Variants in GOLGA3 observed in about 807,000 individuals in gnomAD.
GOLGA3 encodes golgin subfamily A member 3.
GOLGA3 carries 75 observed loss-of-function variants against 169.4 expected under a neutral mutation model. That is an observed-to-expected ratio of 0.44 (90% CI 0.37 to 0.54). The LOEUF is 0.54. GOLGA3 is among the 20% of genes least tolerant of loss of function. The pLI is 0.00. For synonymous variants in GOLGA3, 824 were observed against 822.4 expected (o/e 1.00, Z -0.03); for missense variants, 1,899 against 1,930.0 (o/e 0.98, Z 0.30).
rs971440260 is a variant in GOLGA3 at position 132,802,262 on chromosome 12, G to A, written c.1598-293C>T. Among the ~76,000 whole-genome samples the A allele has an allele frequency of 5.3e-5, 8 of 152,332 alleles. 1 individual carries two copies. The South Asian group carries it at 8.3e-4, about 16-fold the overall frequency. On this transcript the variant is annotated intron_variant, in intron 7 of 23. Transcript: ENST00000450791. ...GTTCAGTGTTTCCATTTACGACACC[G>A]ATCTAATACATAGCGTCGATTCATT... is the stretch of plus-strand genomic sequence containing the variant.
chr12:132,778,349 T>C (rs894547254), intron 18 of GOLGA3, among the ~76,000 whole-genome samples: 2 of 151,082 alleles, frequency 1.3e-5, no homozygotes, highest in African/African-American at 4.9e-5. Context: ...CCGAGGCGGG[T>C]GGATCACGAG....
Position 132,807,301 on chromosome 12 carries a change from G to A in GOLGA3, c.1179-13C>T, listed in dbSNP as rs1356520913. On this transcript the variant is annotated splice_polypyrimidine_tract_variant and intron_variant, in intron 5 of 23. Transcript: ENST00000450791. ...CTCCAAGGACACGCTGGGGACAAAG[G>A]CACGGGTCAGGCCTGTGCGAGCCAT... 2.0e-6 allele frequency: 3 copies of A among 1,474,694 alleles called. No homozygotes were observed. Among genetic ancestry groups the A allele is most frequent in the South Asian group, 2.4e-5 (2 of 82,480 alleles). 91.4% of individuals were successfully genotyped at this position (1,474,694 alleles called of 1,614,324 possible).
chr12:132,780,933 GGACA>G lies in GOLGA3; in HGVS notation c.3466-23_3466-20del. ...CCTGCACCTAGATCAGATTGCAGGA[GGACA>G]GATAAGGAAGGACGTCGAATTACAA... is the stretch of plus-strand genomic sequence containing the variant. On this transcript the variant is annotated intron_variant, in intron 17 of 23. Coordinates refer to ENST00000450791, the MANE Select transcript of GOLGA3 (RefSeq NM_001389683.1). 1.9e-6 allele frequency: 3 copies of G among 1,557,556 alleles called. No individual in the cohort carries two copies. The highest frequency in any genetic ancestry group is 2.6e-6 in the Non-Finnish European group (3 of 1,133,740).
At chr12:132,783,292 G>A (rs1381133209) in intron 16 of GOLGA3, among the ~76,000 whole-genome samples, 3 of 149,340 alleles carry the variant, frequency 2.0e-5, no homozygotes, top group Non-Finnish European at 3.0e-5. Context: ...GTCATGGTCA[G>A]TTGCTTCCCC....
At chr12:132,817,578 G>C (rs879121100) in intron 2 of GOLGA3, among the ~76,000 whole-genome samples, 2 of 2,396 alleles carry the variant, frequency 8.3e-4, no homozygotes, top group Non-Finnish European at 2.1e-3. Flanking sequence ...ACGTGAACCC[G>C]CCCTCCACTC....
rs138564801 is a variant in GOLGA3, at chr12:132,796,002, G to C, written c.2319C>G (p.Asn773Lys). 26 of 1,613,272 alleles carry C rather than the reference G, an allele frequency of 1.6e-5. No homozygotes were observed. The highest frequency in any genetic ancestry group is 2.1e-5 in the Non-Finnish European group (25 of 1,180,044). ...AAGCCGCCTCCAAGATGATCTTCTC[G>C]TTCTGCAGGAGGCAGATCGTGTCCT... ...SREDTICLLQ[N>K]EKIILEAALQ... The change falls in exon 11 of 24, where the codon AAC becomes AAG. Residue 773 changes from asparagine to lysine, a missense_variant. Physicochemically the swap from Asn to Lys is moderately conservative, Grantham distance 94. Transcript: ENST00000450791.
At chr12:132,774,401 G>A in intron 22 of GOLGA3, 81 bp from the exon 23 acceptor site, 1 of 1,520,280 alleles carries the variant, frequency 6.6e-7, no homozygotes, top group Admixed American at 1.7e-5. Context: ...GTGGCAAACG[G>A]GCCTCCCCAA....
At chr12:132,798,533 G>A (rs1948981914) in intron 8 of GOLGA3, 56 bp from the exon 9 acceptor site, 4 of 1,537,186 alleles carry the variant, frequency 2.6e-6, no homozygotes, top group Non-Finnish European at 3.5e-6. Flanking sequence ...AAGAAATGCA[G>A]ACCAGCCTGT....
At position 132,777,691 on chromosome 12, in the gene GOLGA3, G is replaced by C; in HGVS notation, c.3697C>G (p.Leu1233Val). 6.2e-7 allele frequency: 1 copy of C among 1,614,146 alleles called. No individual in the cohort carries two copies. Among genetic ancestry groups the C allele is most frequent in the Non-Finnish European group, 8.5e-7 (1 of 1,180,028 alleles). ...TGAAGGTCGTCGGCCTCGGCCTGCA[G>C]CTTCTGCACCAGGTGTTCCTTGGCC... Reference protein sequence around the residue: ...LQAKEHLVQKLQAEADDLQIR... With the variant: ...LQAKEHLVQKVQAEADDLQIR... The change falls in exon 19 of 24, where the codon CTG becomes GTG. Residue 1233 changes from leucine to valine, a missense_variant. Physicochemically the swap from Leu to Val is conservative, Grantham distance 32. Coordinates refer to ENST00000450791, the MANE Select transcript of GOLGA3 (RefSeq NM_001389683.1). This position sits in a 1 kb window ranked among gnomAD's most constrained non-coding sequence, Gnocchi z 4.7.
Position 132,798,418 on chromosome 12 carries a change from C to A in GOLGA3, c.1860G>T (p.Leu620=). 6.2e-7 allele frequency: 1 copy of A among 1,613,646 alleles called. No individual in the cohort carries two copies. The highest frequency in any genetic ancestry group is 1.3e-5 in the African/African-American group (1 of 75,020). ...GCTGAGTTTCCGTCAGCTGCTGGGA[C>A]AGGGACACATTCTCGAGTTTCAGGT... The part of the protein sequence containing the change: ...LEHLKLENVS[L]SQQLTETQHR... The change falls in exon 9 of 24, where the codon CTG becomes CTT. Residue 620 remains leucine, a synonymous_variant. Transcript: ENST00000450791.
intron 6 of GOLGA3, among the ~76,000 whole-genome samples, 155 bp downstream of exon 6, chr12:132,807,022 T>C (rs900282098): frequency 6.6e-6 from 1 of 152,068 alleles, no homozygotes; most frequent in African/African-American, 2.4e-5. Context: ...GGCTGACAAG[T>C]AGACAAAAAA....
In GOLGA3 at chr12:132,808,075, G is replaced by T. The variant is rs754292020; in HGVS notation, c.994C>A (p.Leu332Met). The T allele has an allele frequency of 6.3e-7, 1 of 1,597,600 alleles. No homozygotes were observed. Among genetic ancestry groups the T allele is most frequent in the Non-Finnish European group, 8.5e-7 (1 of 1,170,344 alleles). The change falls in exon 5 of 24, where the codon CTG becomes ATG. Residue 332 changes from leucine (L) to methionine (M), a missense_variant. Transcript: ENST00000450791. ...TCCTGCGTGCCCACTGTCTTCGACA[G>T]AATGCCATAGGTCCCTCGGGTGGAG... ...SASTRGTYGI[L>M]SKTVGTQDTP...
chr12:132,789,666 C>T (rs1030555981), intron 12 of GOLGA3, among the ~76,000 whole-genome samples: 4 of 152,238 alleles, frequency 2.6e-5, no homozygotes, highest in East Asian at 1.9e-4. Context: ...CTTCAGGGGC[C>T]GCCCTTGCTC....
chr12:132,829,073 T>C (rs926585100), upstream of GOLGA3, among the ~76,000 whole-genome samples: 5 of 152,222 alleles, frequency 3.3e-5, no homozygotes, highest in Admixed American at 2.6e-4. Context: ...TTGCGGACCT[T>C]TCCCTAGTAG....
intron 15 of GOLGA3, among the ~76,000 whole-genome samples, chr12:132,785,210 C>T (rs376674642): frequency 6.6e-6 from 1 of 152,188 alleles, no homozygotes; most frequent in African/African-American, 2.4e-5. Context: ...CCGGCCTTTG[C>T]GACCTCCCCA....
Position 132,789,248 on chromosome 12 carries a change from G to T in GOLGA3, c.2590C>A (p.Gln864Lys). ...GTGGCTTTCAGCTCACTGATGAGCT[G>T]GTCTTTGGAGGTGGCGTCGCGCCGG... ...AYRRDATSKD[Q>K]LISELKATRK... Residue 864 changes from glutamine (Q) to lysine (K), a missense_variant, in exon 13 of 24, where the codon CAG (glutamine) becomes AAG (lysine). Coordinates refer to ENST00000450791, the MANE Select transcript of GOLGA3 (RefSeq NM_001389683.1). 5.6e-6 allele frequency: 9 copies of T among 1,606,522 alleles called. No individual in the cohort carries two copies. Among genetic ancestry groups the T allele is most frequent in the Non-Finnish European group, 6.8e-6 (8 of 1,179,428 alleles).
chr12:132,792,394 G>T (rs547453877), intron 11 of GOLGA3, among the ~76,000 whole-genome samples: 8 of 152,248 alleles, frequency 5.3e-5, no homozygotes, highest in African/African-American at 1.9e-4. Flanking sequence ...ACAGGCGAGC[G>T]AGCAGGGCTG....
rs1335585145 is a variant in GOLGA3 at position 132,769,343 on chromosome 12, T to C, written c.*3762A>G. On this transcript the variant is annotated 3_prime_UTR_variant, in exon 24 of 24. Transcript: ENST00000450791. ...AATCTTCACGTACAACATTCTGTTT[T>C]TGTTTTTAAAGACCTCAGGGAACTA... 6.6e-6 allele frequency: 1 copy of C among 152,272 alleles called. No homozygotes were observed. The highest frequency in any genetic ancestry group is 2.4e-5 in the African/African-American group (1 of 41,466). 9.4% of individuals were successfully genotyped at this position (152,272 alleles called of 1,614,324 possible).
intron 15 of GOLGA3, among the ~76,000 whole-genome samples, chr12:132,784,755 CCCA>C (rs199559944): frequency 0.11 from 15,851 of 150,206 alleles, 1,100 homozygotes; most frequent in South Asian, 0.17. Flanking sequence ...ATGCTCACAC[CCCA>C]CGTGTTCACA....
Sources: allele counts gnomAD v4.1 joint callset (sites outside exome capture counted in the v4.1 genomes callset), GRCh38; gene constraint gnomAD v4.1.1; non-coding constraint Gnocchi (gnomAD v3.1); transcripts MANE v1.5; gene names NCBI Gene and HGNC (gene_info 2026-07-23, HGNC 2026-07-21).